MYH11: variants seen among roughly 807,000 people sequenced by gnomAD.
MYH11 encodes the protein myosin heavy chain 11, also known as myosin-11.
In MYH11, 80 loss-of-function variants were observed where a neutral mutation model predicts 246.6. The ratio of observed to expected loss-of-function variants is 0.32; its 90% CI spans 0.27 to 0.39. The LOEUF is 0.39. MYH11 is among the 10% of genes least tolerant of loss of function. The probability of loss-of-function intolerance (pLI) is 1.00; values close to 1 mark genes in which losing one functional copy is unlikely to be tolerated. For missense variants in MYH11, 2,158 were observed against 2,546.8 expected (o/e 0.85, Z 3.29); for synonymous variants, 1,071 against 1,015.5 (o/e 1.05, Z -1.04).
intron 2 of MYH11, among the ~76,000 whole-genome samples, chr16:15,828,521 A>G (rs1014197519): frequency 9.2e-5 from 14 of 152,182 alleles, no homozygotes; most frequent in African/African-American, 3.4e-4. Context: ...GACAGGGTAG[A>G]CACTCAGTCA....
Position 15,743,460 on chromosome 16 carries a change from C to T in MYH11, c.2521-1569G>A, listed in dbSNP as rs59683972. The stretch of plus-strand genomic sequence containing the variant: ...CTGGGATTACAGGCATGAGCCACCA[C>T]ACCTGGCTAAGACGATTTTCTTAGG... On this transcript the variant is annotated intron_variant, in intron 20 of 40. Coordinates refer to ENST00000300036, the MANE Select transcript of MYH11 (RefSeq NM_002474.3). Among the ~76,000 whole-genome samples, 290 of 152,306 alleles carry T rather than the reference C, an allele frequency of 1.9e-3. 5 individuals carry two copies. The highest frequency in any genetic ancestry group is 0.017 in the Middle Eastern group (5 of 294).
intron 3 of MYH11, among the ~76,000 whole-genome samples, chr16:15,819,351 G>A (rs12921616): frequency 0.086 from 13,085 of 152,192 alleles, 659 homozygotes; most frequent in Middle Eastern, 0.13. Flanking sequence ...GTGGTCTAGC[G>A]CAGGCATCTC....
intron 2 of MYH11, among the ~76,000 whole-genome samples, chr16:15,833,117 T>G (rs1014842159): frequency 1.3e-5 from 2 of 151,262 alleles, no homozygotes; most frequent in Non-Finnish European, 2.9e-5. Flanking sequence ...GGCAATACGG[T>G]GTGACCCCAC....
chr16:15,765,138 G>C (rs972506010), intron 9 of MYH11, among the ~76,000 whole-genome samples: 1 of 152,156 alleles, frequency 6.6e-6, no homozygotes, highest in East Asian at 1.9e-4. Context: ...TGGATGGTAG[G>C]TGGAAGGTGG....
At chr16:15,788,794 A>ATGTGTGTGTG (rs1491200616) in intron 4 of MYH11, among the ~76,000 whole-genome samples, 2 of 107,722 alleles carry the variant, frequency 1.9e-5, no homozygotes, top group African/African-American at 3.6e-5. Flanking sequence ...TAAGACCAGA[A>ATGTGTGTGTG]TATATGTGTG....
Position 15,717,159 on chromosome 16 carries a change from G to T in MYH11, c.5485C>A (p.Gln1829Lys), listed in dbSNP as rs1005977032. The T allele has an allele frequency of 5.0e-6, 8 of 1,614,164 alleles. No homozygotes were observed. The highest frequency in any genetic ancestry group is 1.3e-5 in the African/African-American group (1 of 75,052). The change falls in exon 38 of 41, where the codon CAG becomes AAG. Residue 1829 changes from glutamine (Q) to lysine (K), a missense_variant. By Grantham distance (53) the Gln-to-Lys change is moderately conservative. Coordinates refer to ENST00000300036, the MANE Select transcript of MYH11 (RefSeq NM_002474.3). ...LEAKIAQLEEQVEQEAREKQA... is the reference protein window; with the variant it reads ...LEAKIAQLEEKVEQEAREKQA... ...GCATACCTGGCCTCCTGCTCGACCT[G>T]CTCCTCCAGCTGTGCAATCTTGGCC...
At chr16:15,730,762 C>T (rs762993049) in intron 27 of MYH11, among the ~76,000 whole-genome samples, 11 of 152,020 alleles carry the variant, frequency 7.2e-5, no homozygotes, top group South Asian at 2.1e-4. Flanking sequence ...ACAATCTGGC[C>T]GAAGGTCGCA....
At position 15,814,414 on chromosome 16, in the gene MYH11, G is replaced by A. The variant is rs568989915; in HGVS notation, c.502+8841C>T. 2.0e-5 allele frequency among the ~76,000 whole-genome samples: 3 copies of A among 151,508 alleles called. No individual in the cohort carries two copies. The East Asian group carries it at 5.9e-4, about 30-fold the overall frequency. On this transcript the variant is annotated intron_variant, in intron 3 of 40. Coordinates refer to ENST00000300036, the MANE Select transcript of MYH11 (RefSeq NM_002474.3). Reference sequence around the variant, plus strand: ...TTTAAAATACAAAAATTAGCCGGGTGTGGTGGCGGATGCCTGTAATCCCAG... The same window carrying A: ...TTTAAAATACAAAAATTAGCCGGGTATGGTGGCGGATGCCTGTAATCCCAG...
chr16:15,847,053 CTTATCT>C (rs2044209127), intron 1 of MYH11, among the ~76,000 whole-genome samples: 1 of 152,086 alleles, frequency 6.6e-6, no homozygotes, highest in African/African-American at 2.4e-5. Context: ...TTCCTTCCCT[CTTATCT>C]TTAATTGTGG....
At chr16:15,779,029 C>A (rs2042288654) in intron 6 of MYH11, 186 bp from the exon 7 acceptor site, 2 of 683,986 alleles carry the variant, frequency 2.9e-6, no homozygotes, top group African/African-American at 3.5e-5. Flanking sequence ...TGAAACCACC[C>A]CAGGCCTGAC....
chr16:15,763,800 G>A lies in MYH11; in HGVS notation c.1125C>T (p.Asn375=), dbSNP rs2041921324. The change falls in exon 10 of 41, where the codon AAC becomes AAT. Residue 375 remains asparagine, a synonymous_variant. Transcript: ENST00000300036. ...RNTDQASMPD[N]TAAQKVCHLM... ...TCAGGAAAAAGTGGCAAGTACCTGT[G>A]TTATCTGGCATGGACGCCTGGTCTG... 2.6e-6 allele frequency: 4 copies of A among 1,553,186 alleles called. No individual in the cohort carries two copies. Among genetic ancestry groups the A allele is most frequent in the Non-Finnish European group, 8.7e-7 (1 of 1,146,992 alleles).
chr16:15,769,160 A>G (rs2042044828), intron 9 of MYH11, among the ~76,000 whole-genome samples: 2 of 152,078 alleles, frequency 1.3e-5, no homozygotes, highest in African/African-American at 4.8e-5. Context: ...TAAAAATACA[A>G]AAAAAATTAG....
intron 2 of MYH11, among the ~76,000 whole-genome samples, chr16:15,825,828 A>C (rs994115890): frequency 3.3e-5 from 5 of 151,968 alleles, no homozygotes; most frequent in Admixed American, 1.3e-4. Flanking sequence ...TTGAGGTCAC[A>C]GTTCAGGAGA....
At chr16:15,843,077 A>G (rs2044096837) in intron 1 of MYH11, among the ~76,000 whole-genome samples, 2 of 152,272 alleles carry the variant, frequency 1.3e-5, no homozygotes, top group Admixed American at 1.3e-4. Flanking sequence ...TAAAGCTAAT[A>G]GTGGGTCTCA....
At position 15,852,401 on chromosome 16, in the gene MYH11, C is replaced by T. The variant is rs145059492; in HGVS notation, c.-18+4540G>A. Among the ~76,000 whole-genome samples, 927 of 143,316 alleles carry T rather than the reference C, an allele frequency of 6.5e-3. 7 individuals carry two copies. The highest frequency in any genetic ancestry group is 0.023 in the African/African-American group (878 of 38,286). 94.0% of individuals were successfully genotyped at this position (143,316 alleles called of 152,430 possible). ...AGGCTGGAGTGCAGTGGTGTGATCTCGGCTCAATGCAACCTCTGCCTCTGA... is the reference window on the plus strand; with the variant it reads ...AGGCTGGAGTGCAGTGGTGTGATCTTGGCTCAATGCAACCTCTGCCTCTGA... On this transcript the variant is annotated intron_variant, in intron 1 of 40. Transcript: ENST00000300036.
intron 2 of MYH11, among the ~76,000 whole-genome samples, chr16:15,834,766 G>A (rs902595087): frequency 6.6e-6 from 1 of 152,106 alleles, no homozygotes; most frequent in African/African-American, 2.4e-5. Flanking sequence ...CACTTGGATT[G>A]GAGGACATAT....
intron 10 of MYH11, 55 bp downstream of exon 10, chr16:15,763,741 T>TCCCCCCCCCCCCCCCCCCCCCCC: frequency 1.5e-6 from 1 of 646,860 alleles, no homozygotes; most frequent in East Asian, 3.2e-5. Context: ...AAATGTCACC[T>TCCCCCCCCCCCCCCCCCCCCCCC]CCCCCACCCC....
At chr16:15,728,011 T>C (rs2040848304) in intron 27 of MYH11, among the ~76,000 whole-genome samples, 2 of 152,096 alleles carry the variant, frequency 1.3e-5, no homozygotes, top group Admixed American at 6.5e-5. Flanking sequence ...GGTGGATCAC[T>C]TGAGGTGAGG....
chr16:15,856,613 A>T (rs1348219085), intron 1 of MYH11, among the ~76,000 whole-genome samples: 1 of 137,586 alleles, frequency 7.3e-6, no homozygotes, highest in Non-Finnish European at 1.6e-5. Context: ...ATCACTCGGG[A>T]CTAATTTTTT....
Sources: gnomAD v4.1 joint callset for allele counts (sites outside exome capture counted in the v4.1 genomes callset) on GRCh38, gnomAD v4.1.1 for gene constraint, MANE v1.5 for transcripts, NCBI Gene and HGNC (gene_info 2026-07-23, HGNC 2026-07-21) for gene names.